The following CASKIN1 variants were observed in gnomAD, a reference collection of about 807,000 sequenced individuals.
CASKIN1 encodes CASK interacting protein 1.
In CASKIN1, 42 loss-of-function variants were observed where a neutral mutation model predicts 117.5. The ratio of observed to expected loss-of-function variants is 0.36; its 90% CI spans 0.28 to 0.46. The LOEUF is 0.46. CASKIN1 is among the 20% of genes least tolerant of loss of function. CASKIN1 has a pLI of 1.00. For missense variants in CASKIN1, 2,083 were observed against 2,077.3 expected (o/e 1.00, Z -0.05); for synonymous variants, 1,148 against 961.7 (o/e 1.19, Z -3.59).
rs1596689859 is a variant in CASKIN1 at position 2,185,312 on chromosome 16, A to G, written c.1145T>C (p.Phe382Ser). The change falls in exon 11 of 20, where the codon TTT (phenylalanine) becomes TCT (serine). Residue 382 changes from phenylalanine to serine, a missense_variant. Physicochemically the swap from Phe to Ser is radical, Grantham distance 155 (BLOSUM62 -2). Coordinates refer to ENST00000343516, the MANE Select transcript of CASKIN1 (RefSeq NM_020764.4). ...CCTTCAGGGACCCAGCCTACCTGCA[A>G]AAGGCTTCCTCAGCACCCAGATCTC... ...PEEIWVLRKP[F>S]AGGDRSGSIS... 1.9e-6 allele frequency: 3 copies of G among 1,596,508 alleles called. No homozygotes were observed. The highest frequency in any genetic ancestry group is 2.2e-5 in the South Asian group (2 of 89,966).
At chr16:2,188,131 G>A (rs1263063903) in intron 6 of CASKIN1, among the ~76,000 whole-genome samples, 3 of 148,356 alleles carry the variant, frequency 2.0e-5, no homozygotes, top group Non-Finnish European at 3.0e-5. Context: ...CTGGGCTCCT[G>A]CGTCAGCCTC....
rs2093215533 is a variant in CASKIN1, at chr16:2,196,213, TGCTGGCCCCGCCCCGCCCC to T, written c.94+107_94+125del. On this transcript the variant is annotated intron_variant, in intron 1 of 19. Coordinates refer to ENST00000343516, the MANE Select transcript of CASKIN1 (RefSeq NM_020764.4). The surrounding 1 kb of genome is among the most constrained non-coding windows in gnomAD (Gnocchi z 5.7). ...GGGCACGGACCAAGGGTCTGGGCGC[TGCTGGCCCCGCCCCGCCCC>T]CGGGGACCCGACAACGTCCCCTCCC... 3 of 269,918 alleles carry T rather than the reference TGCTGGCCCCGCCCCGCCCC, an allele frequency of 1.1e-5. No homozygotes were observed. The highest frequency in any genetic ancestry group is 2.0e-5 in the Non-Finnish European group (3 of 151,182). The allele number at this position is 269,918 out of a possible 1,614,324, so 16.7% of individuals were successfully genotyped here. A position where few individuals can be genotyped will look rare whatever the true frequency, so the allele number is the denominator to read the frequency against.
rs750215913 is a variant in CASKIN1, at chr16:2,185,081, CACCCTG to C, written c.1239+24_1239+29del. 1.9e-5 allele frequency: 31 copies of C among 1,608,096 alleles called. No individual in the cohort carries two copies. In the African/African-American group the frequency reaches 2.5e-4, roughly 13 times the overall value. On this transcript the variant is annotated intron_variant, in intron 12 of 19. Coordinates refer to ENST00000343516, the MANE Select transcript of CASKIN1 (RefSeq NM_020764.4). ...CTTGTCACCTGCTCCCAGCCCTGGC[CACCCTG>C]GCCCTGGCCACTACCCCACCTACCT...
chr16:2,193,996 C>G lies in CASKIN1; in HGVS notation c.94+2343G>C, dbSNP rs188419062. On this transcript the variant is annotated intron_variant, in intron 1 of 19. Transcript: ENST00000343516. ...GGGGCCAGGATGAAAGTCCAGGAGC[C>G]CCCCTCCCTCTCCACGAGGTCCCTA... 2.0e-5 allele frequency among the ~76,000 whole-genome samples: 3 copies of G among 152,040 alleles called. No individual in the cohort carries two copies. The East Asian group carries it at 5.8e-4, about 29-fold the overall frequency.
rs1393464416 is a variant in CASKIN1, at chr16:2,178,944, G to T, written c.4157C>A (p.Ala1386Glu). The change falls in exon 19 of 20, where the codon GCG (alanine) becomes GAG (glutamate). Residue 1386 changes from alanine to glutamate, a missense_variant. Around this residue, in one of 3 missense-constraint regions of CASKIN1, gnomAD observed 1,818 missense variants for 1,688.9 expected, o/e 1.08. Transcript: ENST00000343516. ...CTCCTGCCGGATCTTCTCCTCCACC[G>T]CCTGCAGCGCCGCGGCCAGGCACGC... ...TSACLAAALQ[A>E]VEEKIRQEDA... is the part of the protein sequence containing the mutation. The T allele has an allele frequency of 6.7e-7, 1 of 1,490,006 alleles. No homozygotes were observed. The highest frequency in any genetic ancestry group is 2.3e-5 in the Admixed American group (1 of 44,380). The allele number at this position is 1,490,006 out of a possible 1,614,324, so 92.3% of individuals were successfully genotyped here.
Position 2,179,820 on chromosome 16 carries a change from G to C in CASKIN1, c.3548C>G (p.Ser1183Trp). The change falls in exon 18 of 20, where the codon TCG becomes TGG. Residue 1183 changes from serine (S) to tryptophan (W), a missense_variant. Physicochemically the swap from Ser to Trp is radical, Grantham distance 177. This residue lies in a region of CASKIN1 where 1,818 missense variants were observed against 1,688.9 expected (regional missense o/e 1.08). Transcript: ENST00000343516. The surrounding 1 kb of genome is among the most constrained non-coding windows in gnomAD (Gnocchi z 5.8). ...CAGCTCCGGAGGCCCAGCCTGCTCCGAGGCCGGTCGGCGGCGCACGGTGCC... is the reference window on the plus strand; with the variant it reads ...CAGCTCCGGAGGCCCAGCCTGCTCCCAGGCCGGTCGGCGGCGCACGGTGCC... ...GTGTVRRRPA[S>W]EQAGPPELPP... is the part of the protein sequence containing the mutation. 6.3e-7 allele frequency: 1 copy of C among 1,591,768 alleles called. No individual in the cohort carries two copies. Among genetic ancestry groups the C allele is most frequent in the Non-Finnish European group, 8.5e-7 (1 of 1,171,416 alleles).
In CASKIN1 at chr16:2,188,845, C is replaced by T. The variant is rs1053245626; in HGVS notation, c.617+182G>A. 31 of 844,560 alleles carry T rather than the reference C, an allele frequency of 3.7e-5. 2 individuals carry two copies. The highest frequency in any genetic ancestry group is 1.1e-4 in the South Asian group (6 of 53,826). 52.3% of individuals were successfully genotyped at this position (844,560 alleles called of 1,614,324 possible). ...ACAGAGACGTCGCAGAAGCCCCCTT[C>T]CCAGCCCCTGCAGCTCATCCTGTAC... On this transcript the variant is annotated intron_variant, in intron 6 of 19. Coordinates refer to ENST00000343516, the MANE Select transcript of CASKIN1 (RefSeq NM_020764.4).
intron 1 of CASKIN1, among the ~76,000 whole-genome samples, chr16:2,195,972 G>T (rs537063103): frequency 3.3e-5 from 5 of 149,346 alleles, no homozygotes; most frequent in East Asian, 2.0e-4. Flanking sequence ...CGTGTGGTGG[G>T]TGGGGGGGGC....
chr16:2,179,294 G>A lies in CASKIN1; in HGVS notation c.3807C>T (p.Pro1269=), dbSNP rs1294098469. Residue 1269 remains proline, a synonymous_variant, in exon 19 of 20, where the codon CCC becomes CCT. Transcript: ENST00000343516. The surrounding 1 kb of genome is among the most constrained non-coding windows in gnomAD (Gnocchi z 5.8). Reference sequence around the variant, plus strand: ...GCGGCGGCGGCGGCTTGGGAGACACGGGCGGTGGCGTGCCGTGGGCGCGCT... The same window carrying A: ...GCGGCGGCGGCGGCTTGGGAGACACAGGCGGTGGCGTGCCGTGGGCGCGCT... The part of the protein sequence containing the change: ...EVKRAHGTPP[P]VSPKPPPPPT... 5 of 1,226,722 alleles carry A rather than the reference G, an allele frequency of 4.1e-6. No homozygotes were observed. Among genetic ancestry groups the A allele is most frequent in the Middle Eastern group, 3.1e-4 (1 of 3,184 alleles). 76.0% of individuals were successfully genotyped at this position (1,226,722 alleles called of 1,614,324 possible).
In CASKIN1 at chr16:2,179,374, G is replaced by T; in HGVS notation, c.3776-49C>A. 7.5e-7 allele frequency: 1 copy of T among 1,326,432 alleles called. No homozygotes were observed. Among genetic ancestry groups the T allele is most frequent in the Non-Finnish European group, 9.6e-7 (1 of 1,044,366 alleles). The allele number at this position is 1,326,432 out of a possible 1,614,324, so 82.2% of individuals were successfully genotyped here. A position where few individuals can be genotyped will look rare whatever the true frequency, so the allele number is the denominator to read the frequency against. ...CCGAGCGGGCACGAGTTCCGCCGCCGCGCCCCCTGCCCCAGCCTCCCGCGG... is the reference window on the plus strand; with the variant it reads ...CCGAGCGGGCACGAGTTCCGCCGCCTCGCCCCCTGCCCCAGCCTCCCGCGG... On this transcript the variant is annotated intron_variant, in intron 18 of 19. Transcript: ENST00000343516. This position sits in a 1 kb window ranked among gnomAD's most constrained non-coding sequence, Gnocchi z 5.8.
At position 2,181,340 on chromosome 16, in the gene CASKIN1, C is replaced by T; in HGVS notation, c.2028G>A (p.Glu676=). The change falls in exon 18 of 20, where the codon GAG becomes GAA. Residue 676 remains glutamate, a synonymous_variant. Coordinates refer to ENST00000343516, the MANE Select transcript of CASKIN1 (RefSeq NM_020764.4). ...TGPAEVGPTT[E]KPSSHLPPTP... is the part of the protein sequence containing the mutation. ...TGGGTGGCAGGTGGCTGGAGGGCTT[C>T]TCAGTGGTGGGCCCCACCTCAGCCG... 1 of 1,607,008 alleles carries T rather than the reference C, an allele frequency of 6.2e-7. No individual in the cohort carries two copies. Among genetic ancestry groups the T allele is most frequent in the Non-Finnish European group, 8.5e-7 (1 of 1,178,648 alleles).
rs757693449 is a variant in CASKIN1 at position 2,184,972 on chromosome 16, T to G, written c.1303A>C (p.Lys435Gln). The G allele has an allele frequency of 6.2e-7, 1 of 1,605,882 alleles. No homozygotes were observed. Among genetic ancestry groups the G allele is most frequent in the South Asian group, 1.1e-5 (1 of 90,756 alleles). The change falls in exon 13 of 20, where the codon AAG becomes CAG. Residue 435 changes from lysine to glutamine, a missense_variant. Lys to Gln is a moderately conservative substitution (Grantham distance 53). Transcript: ENST00000343516. ...SESGPGDSPA[K>Q]PPEGSAGVAR... ...TTACCTGCAGAGCCTTCCGGAGGCTTGGCGGGGCTGTCCCCCGGGCCGGAC... is the reference window on the plus strand; with the variant it reads ...TTACCTGCAGAGCCTTCCGGAGGCTGGGCGGGGCTGTCCCCCGGGCCGGAC...
chr16:2,178,854 CTCTGCCGAGCCCCGCCCT>C (rs2093155484), intron 19 of CASKIN1, 30 bp downstream of exon 19: 1 of 1,372,596 alleles, frequency 7.3e-7, no homozygotes, highest in African/African-American at 1.6e-5. Context: ...CCCCGCCCAT[CTCTGCCGAGCCCCGCCCT>C]CCGCCCGCCA....
rs757461796 is a variant in CASKIN1 at position 2,181,244 on chromosome 16, C to T, written c.2124G>A (p.Glu708=). Residue 708 remains glutamate (E), a synonymous_variant, in exon 18 of 20, where the codon GAG becomes GAA. Transcript: ENST00000343516. ...GCCCAGGGGGCCCATCTCCCAGCAG[C>T]TCCTGCGAGCTGCTCATGTGCCGTG... The part of the protein sequence containing the change: ...GRARHMSSSQ[E]LLGDGPPGPS... 9.4e-6 allele frequency: 15 copies of T among 1,597,054 alleles called. No homozygotes were observed. Among genetic ancestry groups the T allele is most frequent in the Non-Finnish European group, 1.2e-5 (14 of 1,177,894 alleles).
In CASKIN1 at chr16:2,184,849, A is replaced by C. The variant is rs747391157; in HGVS notation, c.1344T>G (p.Pro448=). 1.9e-6 allele frequency: 3 copies of C among 1,562,966 alleles called. No homozygotes were observed. Among genetic ancestry groups the C allele is most frequent in the Non-Finnish European group, 1.7e-6 (2 of 1,154,480 alleles). Residue 448 remains proline (P), a synonymous_variant, in exon 14 of 20, where the codon CCT becomes CCG. Coordinates refer to ENST00000343516, the MANE Select transcript of CASKIN1 (RefSeq NM_020764.4). The part of the protein sequence containing the change: ...EGSAGVARSQ[P]PVAHAGQVYG... ...AGACCTGCCCGGCGTGGGCCACTGG[A>C]GGCTGGGACCGGGCCACACCTGAGG...
In CASKIN1 at chr16:2,179,748, T is replaced by C. The variant is rs1485134738; in HGVS notation, c.3620A>G (p.His1207Arg). 1 of 1,490,608 alleles carries C rather than the reference T, an allele frequency of 6.7e-7. No individual in the cohort carries two copies. The highest frequency in any genetic ancestry group is 1.9e-5 in the Admixed American group (1 of 51,506). 92.3% of individuals were successfully genotyped at this position (1,490,608 alleles called of 1,614,324 possible). A position where few individuals can be genotyped will look rare whatever the true frequency, so the allele number is the denominator to read the frequency against. Reference protein sequence around the residue: ...PAEPPPTDLAHLPPLPPPEGE... With the variant: ...PAEPPPTDLARLPPLPPPEGE... ...CTCGGGCGGGGGCAATGGGGGTAGG[T>C]GCGCCAGGTCGGTGGGCGGGGGTTC... The change falls in exon 18 of 20, where the codon CAC (histidine) becomes CGC (arginine). Residue 1207 changes from histidine (H) to arginine (R), a missense_variant. Around this residue, in one of 3 missense-constraint regions of CASKIN1, gnomAD observed 1,818 missense variants for 1,688.9 expected, o/e 1.08. Transcript: ENST00000343516. The surrounding 1 kb of genome is among the most constrained non-coding windows in gnomAD (Gnocchi z 5.8).
At position 2,181,667 on chromosome 16, in the gene CASKIN1, G is replaced by GGGGCT. The variant is rs2093168613; in HGVS notation, c.1769-73_1769-69dup. 9 of 1,471,966 alleles carry GGGGCT rather than the reference G, an allele frequency of 6.1e-6. No individual in the cohort carries two copies. In the Admixed American group the frequency reaches 1.4e-4, roughly 23 times the overall value. The allele number at this position is 1,471,966 out of a possible 1,614,324, so 91.2% of individuals were successfully genotyped here. A position where few individuals can be genotyped will look rare whatever the true frequency, so the allele number is the denominator to read the frequency against. ...GAGGGGCAGGGGCCGGGCTAGGGGC[G>GGGGCT]GGGCTGGGCTGGGCTTGGGGCCCAG... On this transcript the variant is annotated intron_variant, in intron 17 of 19. Coordinates refer to ENST00000343516, the MANE Select transcript of CASKIN1 (RefSeq NM_020764.4).
At chr16:2,187,902 A>G (rs2093189609) in intron 6 of CASKIN1, among the ~76,000 whole-genome samples, 1 of 151,678 alleles carries the variant, frequency 6.6e-6, no homozygotes, top group African/African-American at 2.4e-5. Context: ...TACTTTTTCT[A>G]AGACGGGGTC....
Position 2,181,107 on chromosome 16 carries a change from G to A in CASKIN1, c.2261C>T (p.Ala754Val). Residue 754 changes from alanine to valine, a missense_variant, in exon 18 of 20, where the codon GCC becomes GTC. By Grantham distance (64) the Ala-to-Val change is moderately conservative. This residue lies in a region of CASKIN1 where 1,818 missense variants were observed against 1,688.9 expected (regional missense o/e 1.08). Transcript: ENST00000343516. ...PGRHGHSIKR[A>V]SVPPVPGKPR... ...CTTGCCAGGCACGGGGGGCACGCTG[G>A]CCCTCTTGATGCTGTGGCCGTGGCG... is the stretch of plus-strand genomic sequence containing the variant. 6.8e-7 allele frequency: 1 copy of A among 1,480,666 alleles called. No individual in the cohort carries two copies. The highest frequency in any genetic ancestry group is 1.4e-5 in the African/African-American group (1 of 70,726). The allele number at this position is 1,480,666 out of a possible 1,614,324, so 91.7% of individuals were successfully genotyped here.
Sources: gnomAD v4.1 joint callset for allele counts (sites outside exome capture counted in the v4.1 genomes callset) on GRCh38, gnomAD v4.1.1 for gene constraint, gnomAD v4.1.1 regional missense constraint, Gnocchi (gnomAD v3.1) non-coding constraint, MANE v1.5 for transcripts, NCBI Gene and HGNC (gene_info 2026-07-23, HGNC 2026-07-21) for gene names.